The following PLA2G2A variants were observed in gnomAD, a reference collection of about 807,000 sequenced individuals.
PLA2G2A encodes the protein phospholipase A2, membrane associated.
In PLA2G2A, 6 loss-of-function variants were observed where a neutral mutation model predicts 11.2. The ratio of observed to expected loss-of-function variants is 0.54; its 90% CI spans 0.29 to 1.06. The LOEUF is 1.06. Among genes scored for constraint, PLA2G2A ranks in the 50% least tolerant of loss-of-function variants. PLA2G2A has a pLI of 0.08. For missense variants in PLA2G2A, 133 were observed against 177.1 expected, an observed-to-expected ratio of 0.75 and a Z score of 1.41; for synonymous variants, 69 against 65.8, an observed-to-expected ratio of 1.05 and a Z score of -0.23.
At chr1:19,978,632 C>T in intron 2 of PLA2G2A, 102 bp downstream of exon 2, 1 of 1,597,758 alleles carries the variant, frequency 6.3e-7, no homozygotes, top group Non-Finnish European at 8.6e-7. Flanking sequence ...TCTTTTTTCC[C>T]CCTGAGAGAG....
upstream of PLA2G2A, among the ~76,000 whole-genome samples, chr1:19,980,161 C>T (rs1026156430): frequency 6.6e-6 from 1 of 152,248 alleles, no homozygotes; most frequent in African/African-American, 2.4e-5. Context: ...GTGCACCCCA[C>T]AGTCCACCAG....
chr1:19,977,739 T>A (rs984883680), intron 4 of PLA2G2A, among the ~76,000 whole-genome samples: 11 of 152,190 alleles, frequency 7.2e-5, no homozygotes, highest in Non-Finnish European at 1.5e-4. Context: ...TCCCTCCTCT[T>A]CCCTGACTCT....
At chr1:19,976,465 C>A (rs1028686646) in intron 4 of PLA2G2A, among the ~76,000 whole-genome samples, 1 of 152,160 alleles carries the variant, frequency 6.6e-6, no homozygotes, top group Non-Finnish European at 1.5e-5. Flanking sequence ...GAAAGCTGCC[C>A]CAAGCCTGGC....
rs773216312 is a variant in PLA2G2A, at chr1:19,978,454, G to A, written c.111C>T (p.Ala37=). ...AGCCGTAGAAGCCATAACTGAGTGC[G>A]GCTTCCTTTCCTGTCGTCAACTTGA... is the stretch of plus-strand genomic sequence containing the variant. The change falls in exon 3 of 5, where the codon GCC becomes GCT. Residue 37 remains alanine (A), a synonymous_variant. Coordinates refer to ENST00000482011, the Ensembl canonical transcript of PLA2G2A. 131 of 1,613,746 alleles carry A rather than the reference G, an allele frequency of 8.1e-5. 1 individual carries two copies. The highest frequency in any genetic ancestry group is 1.7e-4 in the Middle Eastern group (1 of 6,012).
At chr1:19,980,222 G>C (rs2046281255), upstream of PLA2G2A, 1 of 152,298 alleles carries the variant, frequency 6.6e-6, no homozygotes, top group African/African-American at 2.4e-5. Context: ...TTGGGCCAGG[G>C]CCTCAACTTT....
chr1:19,975,532 A>G, downstream of PLA2G2A: 1 of 674,118 alleles, frequency 1.5e-6, no homozygotes, highest in East Asian at 2.6e-5. Flanking sequence ...GAAGGCTGGA[A>G]ATCTGCTGGA....
At chr1:19,978,195 T>A (rs1197215835) in intron 3 of PLA2G2A, 74 bp from the exon 4 acceptor site, 1 of 1,366,430 alleles carries the variant, frequency 7.3e-7, no homozygotes, top group African/African-American at 1.4e-5. Context: ...CTCACCCCCT[T>A]GGACCCTGGG....
At chr1:19,978,843 G>A (rs2100418819) in exon 2 of PLA2G2A, 1 of 1,491,456 alleles carries the variant, frequency 6.7e-7, no homozygotes. Flanking sequence ...CTCAACTTCT[G>A]CCCCGGCCGT....
intron 4 of PLA2G2A, 52 bp from the exon 5 acceptor site, chr1:19,975,895 G>T (rs1318328003): frequency 6.5e-7 from 1 of 1,533,362 alleles, no homozygotes; most frequent in East Asian, 2.3e-5. Context: ...ATATTCAGTG[G>T]CTTCTTGTGG....
chr1:19,978,915 A>C (rs550029876), intron 1 of PLA2G2A, 36 bp from the exon 2 acceptor site: 13 of 759,082 alleles, frequency 1.7e-5, no homozygotes, highest in Non-Finnish European at 3.0e-5. Context: ...ATCCAACCTA[A>C]GTCCAGGGTG....
upstream of PLA2G2A, among the ~76,000 whole-genome samples, chr1:19,980,153 G>A (rs1291784843): frequency 6.6e-6 from 1 of 152,182 alleles, no homozygotes; most frequent in Non-Finnish European, 1.5e-5. Flanking sequence ...CCTCACGTGT[G>A]CACCCCACAG....
chr1:19,978,433 G>A lies in PLA2G2A; in HGVS notation c.132C>T (p.Tyr44=), dbSNP rs4744. ...TGCCACCCACGCCACAGTGGCAGCCGTAGAAGCCATAACTGAGTGCGGCTT... is the reference window on the plus strand; with the variant it reads ...TGCCACCCACGCCACAGTGGCAGCCATAGAAGCCATAACTGAGTGCGGCTT... Residue 44 remains tyrosine, a synonymous_variant, in exon 3 of 5, where the codon TAC becomes TAT. Coordinates refer to ENST00000482011, the Ensembl canonical transcript of PLA2G2A. 330,806 of 1,611,986 alleles carry A rather than the reference G, an allele frequency of 0.21. 36,779 individuals are homozygous for A. Among genetic ancestry groups the A allele is most frequent in the Non-Finnish European group, 0.23 (271,750 of 1,179,348 alleles).
exon 2 of PLA2G2A, chr1:19,978,830 G>A (rs946612582): frequency 6.4e-7 from 1 of 1,569,034 alleles, no homozygotes; most frequent in African/African-American, 1.4e-5. Context: ...TCTGCTGGGT[G>A]GTCTCAACTT....
At chr1:19,976,774 T>C (rs2046225306) in intron 4 of PLA2G2A, among the ~76,000 whole-genome samples, 1 of 152,148 alleles carries the variant, frequency 6.6e-6, no homozygotes, top group Admixed American at 6.5e-5. Flanking sequence ...AATGTTGTCT[T>C]TGCCTCCTGT....
intron 3 of PLA2G2A, 59 bp from the exon 4 acceptor site, chr1:19,978,180 G>A: frequency 2.1e-6 from 3 of 1,401,870 alleles, no homozygotes; most frequent in African/African-American, 1.4e-5. Context: ...CCTGGTGCCT[G>A]TGGTCTCACC....
At chr1:19,976,504 C>T (rs1020038127) in intron 4 of PLA2G2A, among the ~76,000 whole-genome samples, 10 of 152,172 alleles carry the variant, frequency 6.6e-5, no homozygotes, top group Admixed American at 1.3e-4. Context: ...TCTAGTTATG[C>T]GACAGTCACA....
At chr1:19,980,268 C>T (rs35012735), upstream of PLA2G2A, 5 of 152,232 alleles carry the variant, frequency 3.3e-5, no homozygotes, top group African/African-American at 4.8e-5. Context: ...TCCTCCACCC[C>T]TGTCTCATAT....
At chr1:19,980,188 G>T (rs1472776355), upstream of PLA2G2A, among the ~76,000 whole-genome samples, 1 of 152,158 alleles carries the variant, frequency 6.6e-6, no homozygotes, top group Non-Finnish European at 1.5e-5. Flanking sequence ...AGTTTAATGG[G>T]GGTGGATTTC....
chr1:19,978,403 T>A (rs1402180412), exon 3 of PLA2G2A: 1 of 1,613,136 alleles, frequency 6.2e-7, no homozygotes, highest in South Asian at 1.1e-5. Flanking sequence ...CCTTGGGGGA[T>A]CCTCTGCCAC....
Sources: gnomAD v4.1 joint callset for allele counts (sites outside exome capture counted in the v4.1 genomes callset) on GRCh38, gnomAD v4.1.1 for gene constraint, MANE v1.5 for transcripts, NCBI Gene and HGNC (gene_info 2026-07-23, HGNC 2026-07-21) for gene names.